The following IFT57 variants were observed in gnomAD, a reference collection of about 807,000 sequenced individuals.
IFT57 encodes intraflagellar transport 57.
Under a neutral mutation model 56.8 loss-of-function variants are expected in IFT57, and 59 were observed. That is an observed-to-expected ratio of 1.04 (90% CI 0.84 to 1.29). The LOEUF (loss-of-function observed/expected upper bound fraction) is 1.29. IFT57 is among the 50% of genes most tolerant of loss of function. IFT57 has a pLI of 0.00. For missense variants in IFT57, 470 were observed against 522.1 expected, an observed-to-expected ratio of 0.90 and a Z score of 0.97; for synonymous variants, 209 against 186.1, an observed-to-expected ratio of 1.12 and a Z score of -1.00.
At chr3:108,168,876 T>C (rs1577046884) in intron 6 of IFT57, among the ~76,000 whole-genome samples, 2 of 152,094 alleles carry the variant, frequency 1.3e-5, no homozygotes, top group Admixed American at 6.6e-5. Flanking sequence ...TGCCATACTT[T>C]CTTTATTCAG....
chr3:108,210,143 CCTT>C (rs1386663370), intron 4 of IFT57, among the ~76,000 whole-genome samples: 1 of 151,870 alleles, frequency 6.6e-6, no homozygotes, highest in African/African-American at 2.4e-5. Flanking sequence ...GTCTAATATG[CCTT>C]CTTAATTCTG....
At chr3:108,182,267 T>C (rs888042790) in intron 6 of IFT57, among the ~76,000 whole-genome samples, 1 of 152,000 alleles carries the variant, frequency 6.6e-6, no homozygotes, top group African/African-American at 2.4e-5. Flanking sequence ...GGGGAAAAAA[T>C]CCTCTATTGT....
At chr3:108,177,002 G>A (rs778764611) in intron 6 of IFT57, among the ~76,000 whole-genome samples, 3 of 151,664 alleles carry the variant, frequency 2.0e-5, no homozygotes, top group Non-Finnish European at 2.9e-5. Flanking sequence ...ACTCACACAG[G>A]TCAATCCATG....
At chr3:108,206,770 C>T in intron 4 of IFT57, 74 bp from the exon 5 acceptor site, 1 of 369,566 alleles carries the variant, frequency 2.7e-6, no homozygotes, top group Non-Finnish European at 4.5e-6. Flanking sequence ...CACCTATATG[C>T]TATACTAAGC....
At chr3:108,164,101 G>A (rs747815407) in intron 9 of IFT57, among the ~76,000 whole-genome samples, 3 of 151,982 alleles carry the variant, frequency 2.0e-5, no homozygotes, top group Non-Finnish European at 4.4e-5. Flanking sequence ...ACATCCTGAA[G>A]AGATTTTAGA....
intron 4 of IFT57, among the ~76,000 whole-genome samples, chr3:108,211,950 A>G (rs931434911): frequency 1.3e-4 from 20 of 152,190 alleles, no homozygotes; most frequent in Non-Finnish European, 1.5e-5. Context: ...TTACATTCCC[A>G]TGTCAGTAAC....
chr3:108,217,727 TAAAA>T (rs58306903), intron 3 of IFT57, among the ~76,000 whole-genome samples: 1 of 145,462 alleles, frequency 6.9e-6, no homozygotes, highest in African/African-American at 2.5e-5. Context: ...TAGTTCTAAT[TAAAA>T]AAAAAAAAAC....
chr3:108,218,116 C>G (rs1048577625), intron 3 of IFT57, among the ~76,000 whole-genome samples: 2 of 151,976 alleles, frequency 1.3e-5, no homozygotes, highest in Admixed American at 1.3e-4. Context: ...CCAGTAACTA[C>G]TAGCAAAGGA....
intron 6 of IFT57, among the ~76,000 whole-genome samples, chr3:108,171,507 C>G (rs574010756): frequency 1.3e-5 from 2 of 151,766 alleles, no homozygotes; most frequent in South Asian, 2.1e-4. Context: ...CTGAAAAGAA[C>G]CTTAGAGATC....
rs375744646 is a variant in IFT57 at position 108,191,554 on chromosome 3, C to T, written c.744G>A (p.Pro248=). Residue 248 remains proline (P), a synonymous_variant, in exon 6 of 11, where the codon CCG becomes CCA. Coordinates refer to ENST00000264538, the MANE Select transcript of IFT57 (RefSeq NM_018010.4). ...CAGTCCTAATCGTGACTTTCAGTTG[C>T]GGTAGTACACGTTCCACTTCTAGGC... The part of the protein sequence containing the change: ...EWSLEVERVL[P]QLKVTIRTDN... 6.2e-6 allele frequency: 10 copies of T among 1,604,512 alleles called. No individual in the cohort carries two copies. In the East Asian group the frequency reaches 6.7e-5, roughly 11 times the overall value.
At position 108,198,152 on chromosome 3, in the gene IFT57, A is replaced by T. The variant is rs2080253656; in HGVS notation, c.655-6509T>A. Among the ~76,000 whole-genome samples, 3 of 152,204 alleles carry T rather than the reference A, an allele frequency of 2.0e-5. No homozygotes were observed. The South Asian group carries it at 6.2e-4, about 31-fold the overall frequency. On this transcript the variant is annotated intron_variant, in intron 5 of 10. Coordinates refer to ENST00000264538, the MANE Select transcript of IFT57 (RefSeq NM_018010.4). ...AGTTACATGACTTTTTCAATGTCAC[A>T]TCTTGTGATTGGTAGGTCAGGCAGT...
At chr3:108,166,260 A>G (rs1324419645) in intron 8 of IFT57, among the ~76,000 whole-genome samples, 1 of 152,092 alleles carries the variant, frequency 6.6e-6, no homozygotes, top group Middle Eastern at 3.2e-3. Flanking sequence ...AGGGGGCACA[A>G]ATCCCAAAGG....
At chr3:108,198,156 T>G (rs9856316) in intron 5 of IFT57, among the ~76,000 whole-genome samples, 14,644 of 152,202 alleles carry the variant, frequency 0.096, 766 homozygotes, top group Middle Eastern at 0.12. Flanking sequence ...TGTCACATCT[T>G]GTGATTGGTA....
chr3:108,208,047 G>GAAAAAAAAA (rs869115655), intron 4 of IFT57, among the ~76,000 whole-genome samples: 1 of 92,364 alleles, frequency 1.1e-5, no homozygotes, highest in Non-Finnish European at 2.4e-5. Flanking sequence ...CGTCTCAAAA[G>GAAAAAAAAA]AAAAAAAAAA....
chr3:108,209,487 G>T (rs2080332129), intron 4 of IFT57, among the ~76,000 whole-genome samples: 1 of 152,186 alleles, frequency 6.6e-6, no homozygotes, highest in Non-Finnish European at 1.5e-5. Context: ...GTCGACTTTT[G>T]ATGGTAAATT....
chr3:108,185,144 A>G (rs1391313247), intron 6 of IFT57, among the ~76,000 whole-genome samples: 2 of 152,158 alleles, frequency 1.3e-5, no homozygotes, highest in Non-Finnish European at 2.9e-5. Flanking sequence ...TTTTTGCAAA[A>G]TACTTTTTCT....
At chr3:108,197,795 T>C (rs2080251585) in intron 5 of IFT57, among the ~76,000 whole-genome samples, 1 of 152,128 alleles carries the variant, frequency 6.6e-6, no homozygotes, top group African/African-American at 2.4e-5. Context: ...ATCACATCTT[T>C]GCTCAAATCC....
At chr3:108,205,354 C>A (rs937154988) in intron 5 of IFT57, among the ~76,000 whole-genome samples, 1 of 150,700 alleles carries the variant, frequency 6.6e-6, no homozygotes, top group Non-Finnish European at 1.5e-5. Context: ...TGGAAACTTG[C>A]CCAAATCTGG....
At chr3:108,163,364 GA>G (rs570168817) in intron 10 of IFT57, among the ~76,000 whole-genome samples, 119 of 152,152 alleles carry the variant, frequency 7.8e-4, no homozygotes, top group Admixed American at 6.9e-3. Context: ...GATGAAAACA[GA>G]ACACAATATT....
Sources: allele counts gnomAD v4.1 joint callset (sites outside exome capture counted in the v4.1 genomes callset), GRCh38; gene constraint gnomAD v4.1.1; transcripts MANE v1.5; gene names NCBI Gene and HGNC (gene_info 2026-07-23, HGNC 2026-07-21).